DPYS: variants seen among roughly 807,000 people sequenced by gnomAD.
DPYS encodes the protein dihydropyrimidinase.
A neutral mutation model predicts 50.3 loss-of-function variants in DPYS; 39 were observed. The ratio of observed to expected loss-of-function variants is 0.78; its 90% CI spans 0.60 to 1.01. DPYS has a LOEUF of 1.01. DPYS is among the 50% of genes least tolerant of loss of function. The pLI, the probability that DPYS is intolerant of heterozygous loss-of-function variation, is 0.00. For synonymous variants in DPYS, 245 were observed against 250.7 expected (o/e 0.98, Z 0.22); for missense variants, 659 against 680.9 (o/e 0.97, Z 0.36).
chr8:104,405,546 G>C lies in DPYS; in HGVS notation c.1236-12555C>G, dbSNP rs528684792. On this transcript the variant is annotated intron_variant, in intron 7 of 9. Coordinates refer to ENST00000351513, the MANE Select transcript of DPYS (RefSeq NM_001385.3). ...ATGCTAACATTTCATTGACACTCCT[G>C]AAATAAAGCATCTTGGAGGCTCTGT... Among the ~76,000 whole-genome samples, 136 of 152,326 alleles carry C rather than the reference G, an allele frequency of 8.9e-4. 1 individual carries two copies. Among genetic ancestry groups the C allele is most frequent in the South Asian group, 7.0e-3 (34 of 4,832 alleles).
chr8:104,411,508 T>C (rs1812174570), intron 7 of DPYS, among the ~76,000 whole-genome samples: 1 of 152,266 alleles, frequency 6.6e-6, no homozygotes, highest in East Asian at 1.9e-4. Flanking sequence ...AGGATGATAG[T>C]GGAGGGCTCA....
intron 7 of DPYS, among the ~76,000 whole-genome samples, chr8:104,400,710 T>G (rs538792462): frequency 6.6e-6 from 1 of 152,330 alleles, no homozygotes; most frequent in South Asian, 2.1e-4. Context: ...TAAGCCTGTA[T>G]GAAAGAGGCA....
intron 7 of DPYS, among the ~76,000 whole-genome samples, chr8:104,399,070 C>A (rs1355620827): frequency 1.3e-5 from 2 of 152,032 alleles, no homozygotes; most frequent in Non-Finnish European, 2.9e-5. Flanking sequence ...GCGGGCAGAT[C>A]ACTTGAGGTC....
At position 104,465,187 on chromosome 8, in the gene DPYS, T is replaced by C. The variant is rs574542599; in HGVS notation, c.264+1470A>G. Among the ~76,000 whole-genome samples the C allele has an allele frequency of 3.3e-5, 5 of 150,880 alleles. No homozygotes were observed. In the East Asian group the frequency reaches 7.9e-4, roughly 24 times the overall value. On this transcript the variant is annotated intron_variant, in intron 1 of 9. Transcript: ENST00000351513. ...AGAGCAAAACTGTCAGAAATCAGTA[T>C]ATGAATGAAGTAGCTATCACCAAAA...
chr8:104,463,657 CAACTT>C (rs1031779502), intron 1 of DPYS, among the ~76,000 whole-genome samples: 67 of 152,204 alleles, frequency 4.4e-4, no homozygotes, highest in African/African-American at 1.5e-3. Context: ...AGATAATGCA[CAACTT>C]AGGGCATTGG....
chr8:104,404,448 T>C (rs1390216060), intron 7 of DPYS, among the ~76,000 whole-genome samples: 2 of 152,260 alleles, frequency 1.3e-5, no homozygotes, highest in South Asian at 2.1e-4. Flanking sequence ...AAGCCACTTA[T>C]GATCTAAGTG....
At chr8:104,464,821 C>A (rs888698847) in intron 1 of DPYS, among the ~76,000 whole-genome samples, 3 of 152,130 alleles carry the variant, frequency 2.0e-5, no homozygotes, top group Non-Finnish European at 4.4e-5. Flanking sequence ...TTGTTTCCTA[C>A]AATCACATAT....
At chr8:104,412,448 G>T (rs770518017) in intron 7 of DPYS, among the ~76,000 whole-genome samples, 3 of 152,122 alleles carry the variant, frequency 2.0e-5, no homozygotes, top group Admixed American at 6.6e-5. Context: ...GTCTTGGGTG[G>T]GTGCCAATAT....
chr8:104,393,317 TA>T (rs1811462825), intron 7 of DPYS, among the ~76,000 whole-genome samples: 1 of 152,238 alleles, frequency 6.6e-6, no homozygotes, highest in Admixed American at 6.5e-5. Context: ...TTTTCATTTT[TA>T]AATTATAAAA....
Position 104,466,937 on chromosome 8 carries a change from G to T in DPYS, c.-17C>A, listed in dbSNP as rs1419656772. ...CGCCGCCATAGCGAGGGGCGCGCGG[G>T]GTCCTACTCGGCCCGGGCTGCGCGC... On this transcript the variant is annotated 5_prime_UTR_variant, in exon 1 of 10. Coordinates refer to ENST00000351513, the MANE Select transcript of DPYS (RefSeq NM_001385.3). 15 of 1,440,468 alleles carry T rather than the reference G, an allele frequency of 1.0e-5. No homozygotes were observed. Among genetic ancestry groups the T allele is most frequent in the Non-Finnish European group, 1.4e-5 (15 of 1,104,294 alleles). The allele number at this position is 1,440,468 out of a possible 1,614,324, so 89.2% of individuals were successfully genotyped here. A position where few individuals can be genotyped will look rare whatever the true frequency, so the allele number is the denominator to read the frequency against.
At chr8:104,461,052 G>T (rs1814140570) in intron 1 of DPYS, among the ~76,000 whole-genome samples, 1 of 151,348 alleles carries the variant, frequency 6.6e-6, no homozygotes, top group Non-Finnish European at 1.5e-5. Flanking sequence ...GGGAGGCTGA[G>T]GTGAGTATAT....
chr8:104,416,189 C>T (rs118173136), intron 7 of DPYS, among the ~76,000 whole-genome samples: 7 of 152,190 alleles, frequency 4.6e-5, no homozygotes, highest in African/African-American at 1.7e-4. Context: ...CTGCTCCCCC[C>T]CAATAGCCCA....
At chr8:104,464,890 C>T (rs1161563972) in intron 1 of DPYS, among the ~76,000 whole-genome samples, 11 of 152,134 alleles carry the variant, frequency 7.2e-5, no homozygotes, top group African/African-American at 2.7e-4. Flanking sequence ...AAATTCAGTG[C>T]ATATTACTTT....
At chr8:104,424,667 T>C (rs1184202179) in intron 6 of DPYS, among the ~76,000 whole-genome samples, 1 of 152,214 alleles carries the variant, frequency 6.6e-6, no homozygotes, top group African/African-American at 2.4e-5. Flanking sequence ...AAAATTGTTA[T>C]AGGTGACAGC....
At chr8:104,445,116 A>C (rs1813483617) in intron 3 of DPYS, among the ~76,000 whole-genome samples, 1 of 152,210 alleles carries the variant, frequency 6.6e-6, no homozygotes, top group Admixed American at 6.5e-5. Flanking sequence ...GGCAATAACA[A>C]TTGCTGGTAA....
chr8:104,462,960 A>G (rs1814222905), intron 1 of DPYS, among the ~76,000 whole-genome samples: 1 of 152,224 alleles, frequency 6.6e-6, no homozygotes, highest in African/African-American at 2.4e-5. Flanking sequence ...CTTTAAACCA[A>G]TCTCTGACAT....
At chr8:104,400,538 C>T (rs1158177072) in intron 7 of DPYS, among the ~76,000 whole-genome samples, 3 of 152,172 alleles carry the variant, frequency 2.0e-5, no homozygotes, top group Admixed American at 6.5e-5. Flanking sequence ...GGATTTTGGC[C>T]TGCTCTGGCA....
intron 7 of DPYS, among the ~76,000 whole-genome samples, chr8:104,408,072 G>A (rs772297466): frequency 1.3e-5 from 2 of 152,206 alleles, no homozygotes; most frequent in Non-Finnish European, 2.9e-5. Flanking sequence ...TGCCAGGCAC[G>A]GTTCTAGGTG....
chr8:104,414,185 T>G (rs1812289203), intron 7 of DPYS, among the ~76,000 whole-genome samples: 1 of 152,192 alleles, frequency 6.6e-6, no homozygotes, highest in South Asian at 2.1e-4. Flanking sequence ...AAGGACTGTT[T>G]GGTTAGGTAG....
Sources: gnomAD v4.1 joint callset for allele counts (sites outside exome capture counted in the v4.1 genomes callset) on GRCh38, gnomAD v4.1.1 for gene constraint, MANE v1.5 for transcripts, NCBI Gene and HGNC (gene_info 2026-07-23, HGNC 2026-07-21) for gene names.